The following ZFPM1 variants were observed in gnomAD, a reference collection of about 807,000 sequenced individuals.
The protein encoded by ZFPM1 is zinc finger protein ZFPM1.
A neutral mutation model predicts 46.3 loss-of-function variants in ZFPM1; 28 were observed. The observed-to-expected ratio is 0.60, with a 90% CI of 0.45 to 0.83. The LOEUF (loss-of-function observed/expected upper bound fraction) is 0.83, where lower values mean the gene tolerates loss of function less well. Among genes scored for constraint, ZFPM1 ranks in the 40% least tolerant of loss-of-function variants. ZFPM1 has a pLI of 0.00. For missense variants in ZFPM1, 1,878 were observed against 1,432.4 expected (o/e 1.31, Z -5.02); for synonymous variants, 957 against 675.9 (o/e 1.42, Z -6.45).
At position 88,533,953 on chromosome 16, in the gene ZFPM1, C is replaced by G; in HGVS notation, c.1995C>G (p.Gly665=). 7 of 1,289,344 alleles carry G rather than the reference C, an allele frequency of 5.4e-6. No individual in the cohort carries two copies. Among genetic ancestry groups the G allele is most frequent in the Non-Finnish European group, 7.0e-6 (7 of 998,640 alleles). 79.9% of individuals were successfully genotyped at this position (1,289,344 alleles called of 1,614,324 possible). A position where few individuals can be genotyped will look rare whatever the true frequency, so the allele number is the denominator to read the frequency against. The change falls in exon 10 of 10, where the codon GGC becomes GGG. Residue 665 remains glycine, a synonymous_variant. Transcript: ENST00000319555. The stretch of plus-strand genomic sequence containing the variant: ...GCGCGGGCGGCCGGGGCAGCGAGGG[C>G]AGCCAGAGCCCGGGTAGCTCCGTGG... ...EDGAGGRGSE[G]SQSPGSSVDD... is the part of the protein sequence containing the mutation.
rs997330920 is a variant in ZFPM1 at position 88,533,966 on chromosome 16, G to C, written c.2008G>C (p.Gly670Arg). The C allele has an allele frequency of 7.6e-7, 1 of 1,316,166 alleles. No individual in the cohort carries two copies. Among genetic ancestry groups the C allele is most frequent in the Non-Finnish European group, 9.9e-7 (1 of 1,014,456 alleles). The allele number at this position is 1,316,166 out of a possible 1,614,324, so 81.5% of individuals were successfully genotyped here. A position where few individuals can be genotyped will look rare whatever the true frequency, so the allele number is the denominator to read the frequency against. The change falls in exon 10 of 10, where the codon GGT becomes CGT. Residue 670 changes from glycine (G) to arginine (R), a missense_variant. Coordinates refer to ENST00000319555, the MANE Select transcript of ZFPM1 (RefSeq NM_153813.3). ...GRGSEGSQSP[G>R]SSVDDAEDDP... is the part of the protein sequence containing the mutation. ...GGGCAGCGAGGGCAGCCAGAGCCCG[G>C]GTAGCTCCGTGGACGACGCGGAGGA...
At chr16:88,460,814 G>A (rs67651018) in intron 1 of ZFPM1, among the ~76,000 whole-genome samples, 60,268 of 152,032 alleles carry the variant, frequency 0.4, 13,027 homozygotes, top group African/African-American at 0.56. Flanking sequence ...TATTCATGCC[G>A]GGTGACATGG....
rs779262130 is a variant in ZFPM1 at position 88,534,784 on chromosome 16, C to T, written c.2826C>T (p.Ala942=). 2 of 1,305,496 alleles carry T rather than the reference C, an allele frequency of 1.5e-6. No homozygotes were observed. Among genetic ancestry groups the T allele is most frequent in the African/African-American group, 1.5e-5 (1 of 65,444 alleles). 80.9% of individuals were successfully genotyped at this position (1,305,496 alleles called of 1,614,324 possible). The change falls in exon 10 of 10, where the codon GCC becomes GCT. Residue 942 remains alanine, a synonymous_variant. Coordinates refer to ENST00000319555, the MANE Select transcript of ZFPM1 (RefSeq NM_153813.3). ...PPPSPAAAPE[A]VPPPPAPPSY... ...CGTCCCCGGCCGCCGCGCCCGAGGC[C>T]GTGCCGCCCCCGCCGGCGCCCCCCT...
Position 88,453,572 on chromosome 16 carries a change from CCCGCCGCCCG to C in ZFPM1, c.-54_-45del, listed in dbSNP as rs1454078125. On this transcript the variant is annotated 5_prime_UTR_variant, in exon 1 of 10. An upstream open reading frame in the 5' UTR loses its in-frame stop. Coordinates refer to ENST00000319555, the MANE Select transcript of ZFPM1 (RefSeq NM_153813.3). ...AGCGGCCCCGCGGCCCCGCCGCGCC[CCCGCCGCCCG>C]CCGCCGCCCGCCCGGGGCTAGAGGC... 7 of 915,208 alleles carry C rather than the reference CCCGCCGCCCG, an allele frequency of 7.6e-6. No individual in the cohort carries two copies. The highest frequency in any genetic ancestry group is 4.8e-5 in the South Asian group (1 of 20,654). The allele number at this position is 915,208 out of a possible 1,614,324, so 56.7% of individuals were successfully genotyped here.
intron 4 of ZFPM1, among the ~76,000 whole-genome samples, chr16:88,515,643 G>A (rs929213264): frequency 5.3e-5 from 8 of 152,220 alleles, no homozygotes; most frequent in African/African-American, 1.4e-4. Flanking sequence ...AGTGGGCACT[G>A]CGGCCAGCAG....
chr16:88,535,089 C>T lies in ZFPM1; in HGVS notation c.*110C>T. On this transcript the variant is annotated 3_prime_UTR_variant, in exon 10 of 10. Coordinates refer to ENST00000319555, the MANE Select transcript of ZFPM1 (RefSeq NM_153813.3). Reference sequence around the variant, plus strand: ...TCCTGGGAACCCCGCCACGCACAGGCCTCGGCGGAGGGGGCCGCAGGGGGC... The same window carrying T: ...TCCTGGGAACCCCGCCACGCACAGGTCTCGGCGGAGGGGGCCGCAGGGGGC... 1.5e-6 allele frequency: 2 copies of T among 1,292,480 alleles called. No individual in the cohort carries two copies. The highest frequency in any genetic ancestry group is 2.0e-6 in the Non-Finnish European group (2 of 1,006,398). 80.1% of individuals were successfully genotyped at this position (1,292,480 alleles called of 1,614,324 possible).
rs137921020 is a variant in ZFPM1 at position 88,529,536 on chromosome 16, A to G, written c.712+1298A>G. ...GTCCTGACATCAAGACACCTGCTAC[A>G]TGCAAAAGAGAAGCCACAGAGTCCA... On this transcript the variant is annotated intron_variant, in intron 6 of 9. Transcript: ENST00000319555. 2.1e-3 allele frequency among the ~76,000 whole-genome samples: 314 copies of G among 152,342 alleles called. 9 individuals carry two copies. In the East Asian group the frequency reaches 0.046, roughly 22 times the overall value.
rs1913064215 is a variant in ZFPM1, at chr16:88,534,152, C to T, written c.2194C>T (p.Pro732Ser). The T allele has an allele frequency of 2.0e-6, 2 of 1,003,518 alleles. No individual in the cohort carries two copies. Among genetic ancestry groups the T allele is most frequent in the Non-Finnish European group, 2.4e-6 (2 of 845,240 alleles). 62.2% of individuals were successfully genotyped at this position (1,003,518 alleles called of 1,614,324 possible). ...GPPGPAAPPA[P>S]SPAAPVRTRR... Reference sequence around the variant, plus strand: ...CCCTGGGCCGGCCGCGCCCCCGGCCCCCTCTCCCGCCGCGCCTGTGCGCAC... The same window carrying T: ...CCCTGGGCCGGCCGCGCCCCCGGCCTCCTCTCCCGCCGCGCCTGTGCGCAC... Residue 732 changes from proline (P) to serine (S), a missense_variant, in exon 10 of 10, where the codon CCC (proline) becomes TCC (serine). Pro to Ser is a moderately conservative substitution (Grantham distance 74). Transcript: ENST00000319555.
Position 88,535,277 on chromosome 16 carries a change from C to A in ZFPM1, c.*298C>A. 4.0e-6 allele frequency: 1 copy of A among 248,698 alleles called. No individual in the cohort carries two copies. The highest frequency in any genetic ancestry group is 7.7e-6 in the Non-Finnish European group (1 of 129,648). The allele number at this position is 248,698 out of a possible 1,614,324, so 15.4% of individuals were successfully genotyped here. On this transcript the variant is annotated 3_prime_UTR_variant, in exon 10 of 10. Transcript: ENST00000319555. ...CGGCCCGGAGTGGCTGGGCCCCTGC[C>A]GGAGTTACACCACTGGGTGCTAAGA...
chr16:88,528,257 G>T lies in ZFPM1; in HGVS notation c.712+19G>T. 7 of 1,572,328 alleles carry T rather than the reference G, an allele frequency of 4.5e-6. No homozygotes were observed. The highest frequency in any genetic ancestry group is 6.1e-6 in the Non-Finnish European group (7 of 1,154,188). Reference sequence around the variant, plus strand: ...ATCAACAGTAAGTGCTGGGCTCTCCGCACCCAGGGCGGCTGCTCCACCAAG... The same window carrying T: ...ATCAACAGTAAGTGCTGGGCTCTCCTCACCCAGGGCGGCTGCTCCACCAAG... On this transcript the variant is annotated intron_variant, in intron 6 of 9. Coordinates refer to ENST00000319555, the MANE Select transcript of ZFPM1 (RefSeq NM_153813.3).
chr16:88,523,869 C>G (rs1297230786), intron 4 of ZFPM1, among the ~76,000 whole-genome samples: 1 of 152,222 alleles, frequency 6.6e-6, no homozygotes, highest in Admixed American at 6.5e-5. Flanking sequence ...CACAGCCAGG[C>G]CAGGCGCCCC....
At chr16:88,506,173 G>A (rs1190798076) in intron 3 of ZFPM1, among the ~76,000 whole-genome samples, 2 of 152,092 alleles carry the variant, frequency 1.3e-5, no homozygotes, top group Non-Finnish European at 2.9e-5. Flanking sequence ...GGCCATGCCA[G>A]GCAGAAGGCA....
intron 1 of ZFPM1, among the ~76,000 whole-genome samples, chr16:88,464,471 G>T (rs1244552221): frequency 6.6e-6 from 1 of 152,284 alleles, no homozygotes; most frequent in Non-Finnish European, 1.5e-5. Flanking sequence ...GCCTGGAACA[G>T]CTCAGGAAGG....
intron 3 of ZFPM1, among the ~76,000 whole-genome samples, chr16:88,504,225 C>T (rs776048466): frequency 1.4e-4 from 21 of 152,078 alleles, no homozygotes; most frequent in Non-Finnish European, 2.8e-4. Flanking sequence ...GAGGCCAGGG[C>T]GCCCAGGCCG....
chr16:88,528,883 T>TGTCCCTGGGGACAGAGCC (rs1912557535), intron 6 of ZFPM1, among the ~76,000 whole-genome samples: 2 of 152,216 alleles, frequency 1.3e-5, no homozygotes, highest in Admixed American at 1.3e-4. Context: ...CATGGCCGTA[T>TGTCCCTGGGGACAGAGCC]GTCCCTGGGG....
chr16:88,488,615 C>G (rs906040071), intron 2 of ZFPM1, among the ~76,000 whole-genome samples: 1 of 152,068 alleles, frequency 6.6e-6, no homozygotes, highest in Non-Finnish European at 1.5e-5. Flanking sequence ...CGATCGGGGC[C>G]GAGGTGGTTA....
At position 88,465,348 on chromosome 16, in the gene ZFPM1, G is replaced by A. The variant is rs531910458; in HGVS notation, c.40+11670G>A. Among the ~76,000 whole-genome samples the A allele has an allele frequency of 1.7e-4, 26 of 152,386 alleles. 2 individuals carry two copies. Among genetic ancestry groups the A allele is most frequent in the African/African-American group, 6.0e-4 (25 of 41,594 alleles). On this transcript the variant is annotated intron_variant, in intron 1 of 9. Coordinates refer to ENST00000319555, the MANE Select transcript of ZFPM1 (RefSeq NM_153813.3). The stretch of plus-strand genomic sequence containing the variant: ...GCCTGCGGGGAAGCCCTCTGTCGGG[G>A]AAGTGCCCCTCCCAGCAGCCTGGTG...
chr16:88,492,426 G>A lies in ZFPM1; in HGVS notation c.268+3273G>A, dbSNP rs115595781. ...GTGCCGTCCTCCTTTCCTATCTGGG[G>A]TGGAGGGAGCACCAGCTCGGACCAA... On this transcript the variant is annotated intron_variant, in intron 3 of 9. Transcript: ENST00000319555. Among the ~76,000 whole-genome samples, 604 of 152,282 alleles carry A rather than the reference G, an allele frequency of 4.0e-3. 5 individuals are homozygous for A. The highest frequency in any genetic ancestry group is 0.014 in the African/African-American group (577 of 41,562).
In ZFPM1 at chr16:88,501,589, T is replaced by TGATGGAGATAGCGGTCATGGATGCG. The variant is rs1567541544; in HGVS notation, c.268+12437_268+12438insATGGAGATAGCGGTCATGGATGCGG. Among the ~76,000 whole-genome samples, 78 of 62,564 alleles carry TGATGGAGATAGCGGTCATGGATGCG rather than the reference T, an allele frequency of 1.2e-3. 1 individual carries two copies. The highest frequency in any genetic ancestry group is 4.5e-3 in the East Asian group (8 of 1,776). 41.0% of individuals were successfully genotyped at this position (62,564 alleles called of 152,430 possible). A position where few individuals can be genotyped will look rare whatever the true frequency, so the allele number is the denominator to read the frequency against. The stretch of plus-strand genomic sequence containing the variant: ...GATGGAGATAGCGGGTGTGGGTGCA[T>TGATGGAGATAGCGGTCATGGATGCG]GGGCTCTCCCGCAGGTACTGGTGAT... On this transcript the variant is annotated intron_variant, in intron 3 of 9. Transcript: ENST00000319555.
Sources: gnomAD v4.1 joint callset for allele counts (sites outside exome capture counted in the v4.1 genomes callset) on GRCh38, gnomAD v4.1.1 for gene constraint, MANE v1.5 for transcripts, NCBI Gene and HGNC (gene_info 2026-07-23, HGNC 2026-07-21) for gene names.